Variants in ANPEP observed in about 807,000 individuals in gnomAD.
ANPEP encodes the protein alanyl aminopeptidase, membrane, also known as aminopeptidase N.
Under a neutral mutation model 114.6 loss-of-function variants are expected in ANPEP, and 70 were observed. That is an observed-to-expected ratio of 0.61 (90% CI 0.50 to 0.75). The LOEUF is 0.75. Ranked by LOEUF, ANPEP falls within the 30% of genes least tolerant of loss-of-function variation. ANPEP has a pLI of 0.00. For missense variants in ANPEP, 1,184 were observed against 1,259.5 expected (o/e 0.94, Z 0.91); for synonymous variants, 548 against 522.3 (o/e 1.05, Z -0.67).
intron 20 of ANPEP, among the ~76,000 whole-genome samples, chr15:89,789,550 A>G (rs1968574489): frequency 6.6e-6 from 1 of 151,680 alleles, no homozygotes; most frequent in Non-Finnish European, 1.5e-5. Context: ...AGGTGGGTGG[A>G]TCACTTGAGG....
intron 1 of ANPEP, among the ~76,000 whole-genome samples, chr15:89,813,991 TGG>T (rs201152904): frequency 2.5e-4 from 28 of 111,700 alleles, no homozygotes; most frequent in Admixed American, 9.8e-4. Context: ...ACCGCACTGC[TGG>T]GGGGGGGGGG....
rs1474278111 is a variant in ANPEP at position 89,797,588 on chromosome 15, T to C, written c.2144A>G (p.Tyr715Cys). 1 of 1,613,768 alleles carries C rather than the reference T, an allele frequency of 6.2e-7. No individual in the cohort carries two copies. Among genetic ancestry groups the C allele is most frequent in the Non-Finnish European group, 8.5e-7 (1 of 1,179,806 alleles). The change falls in exon 15 of 21, where the codon TAT (tyrosine) becomes TGT (cysteine). Residue 715 changes from tyrosine (Y) to cysteine (C), a missense_variant. Tyr to Cys is a radical substitution (Grantham distance 194, BLOSUM62 -2). Coordinates refer to ENST00000300060, the MANE Select transcript of ANPEP (RefSeq NM_001150.3). The part of the protein sequence containing the change: ...FKLMFDRSEV[Y>C]GPMKNYLKKQ... ...GCACCTCCGTACCTTCATGGGGCCA[T>C]AGACCTCGGAGCGGTCAAACATGAG...
intron 12 of ANPEP, among the ~76,000 whole-genome samples, chr15:89,800,541 T>C (rs1039521349): frequency 6.6e-6 from 1 of 151,954 alleles, no homozygotes; most frequent in Non-Finnish European, 1.5e-5. Flanking sequence ...TTAAGCATTT[T>C]ATGTGGATTC....
chr15:89,794,259 G>A (rs941764389), intron 15 of ANPEP, among the ~76,000 whole-genome samples: 17 of 152,092 alleles, frequency 1.1e-4, no homozygotes, highest in African/African-American at 1.7e-4. Flanking sequence ...TGAGGCGGGC[G>A]GATCACCTGA....
Position 89,811,537 on chromosome 15 carries a change from T to C in ANPEP, c.-224+3235A>G, listed in dbSNP as rs924878452. On this transcript the variant is annotated intron_variant, in intron 1 of 20. Transcript: ENST00000300060. The stretch of plus-strand genomic sequence containing the variant: ...GGTGGGCGCCTGTAATCCCAACTAC[T>C]CGGGAGGCTGAGGCAGGAGAATGGC... Among the ~76,000 whole-genome samples the C allele has an allele frequency of 2.0e-5, 3 of 150,404 alleles. No individual in the cohort carries two copies. In the South Asian group the frequency reaches 6.3e-4, roughly 32 times the overall value.
intron 1 of ANPEP, among the ~76,000 whole-genome samples, chr15:89,810,486 G>A (rs1225446323): frequency 6.6e-6 from 1 of 152,050 alleles, no homozygotes; most frequent in South Asian, 2.1e-4. Flanking sequence ...CGGAAGAATC[G>A]CTCGAACCCA....
chr15:89,791,305 A>C (rs539849281), intron 18 of ANPEP, among the ~76,000 whole-genome samples: 1 of 152,352 alleles, frequency 6.6e-6, no homozygotes, highest in East Asian at 1.9e-4. Flanking sequence ...AGCTAGTGTC[A>C]TGCCTGACAT....
chr15:89,806,523 C>A lies in ANPEP; in HGVS notation c.61G>T (p.Ala21Ser). The A allele has an allele frequency of 1.9e-6, 3 of 1,613,704 alleles. No individual in the cohort carries two copies. Among genetic ancestry groups the A allele is most frequent in the Non-Finnish European group, 2.5e-6 (3 of 1,179,740 alleles). ...LGILGILLGVAAVCTIIALSV... is the reference protein window; with the variant it reads ...LGILGILLGVSAVCTIIALSV... The stretch of plus-strand genomic sequence containing the variant: ...AGTGCGATGATTGTGCACACGGCTG[C>A]CACGCCCAGGAGGATCCCCAGGATG... The change falls in exon 2 of 21, where the codon GCA (alanine) becomes TCA (serine). Residue 21 changes from alanine to serine, a missense_variant. Transcript: ENST00000300060. This position sits in a 1 kb window ranked among gnomAD's most constrained non-coding sequence, Gnocchi z 5.7.
In ANPEP at chr15:89,804,378, CGGCGTTGAAGTCTGGCA is replaced by C; in HGVS notation, c.1037_1053del (p.Leu346ArgfsTer38). 6.2e-7 allele frequency: 1 copy of C among 1,614,224 alleles called. No homozygotes were observed. The highest frequency in any genetic ancestry group is 1.7e-5 in the Admixed American group (1 of 60,028). On this transcript the variant is annotated frameshift_variant, in exon 6 of 21. Transcript: ENST00000300060. LOFTEE classifies it high-confidence loss of function. ...ACCAGTCCCCAGTTCTCCATGGCGC[CGGCGTTGAAGTCTGGCA>C]GGCCAATCTGGTCTGGGGAGGCGAT...
rs373366705 is a variant in ANPEP, at chr15:89,805,119, C to T, written c.856G>A (p.Glu286Lys). ...STYLLAFIVS[E>K]FDYVEKQASN... ...GCCTGCTTCTCCACGTAGTCGAACT[C>T]ACTGACAATGAAGGCCAGCAAGTAC... The change falls in exon 4 of 21, where the codon GAG becomes AAG. Residue 286 changes from glutamate (E) to lysine (K), a missense_variant. Transcript: ENST00000300060. 1.9e-6 allele frequency: 3 copies of T among 1,614,156 alleles called. No individual in the cohort carries two copies. Among genetic ancestry groups the T allele is most frequent in the Non-Finnish European group, 2.5e-6 (3 of 1,180,054 alleles).
intron 15 of ANPEP, among the ~76,000 whole-genome samples, chr15:89,793,930 A>G (rs927397083): frequency 6.6e-6 from 1 of 152,166 alleles, no homozygotes; most frequent in African/African-American, 2.4e-5. Flanking sequence ...CCATGCTAGT[A>G]AAATCCTTTG....
chr15:89,801,803 C>T (rs1894597958), intron 10 of ANPEP, among the ~76,000 whole-genome samples, 196 bp from the exon 11 acceptor site: 1 of 152,348 alleles, frequency 6.6e-6, no homozygotes, highest in South Asian at 2.1e-4. Context: ...GCTGGACGAG[C>T]TGGAGAACTT....
In ANPEP at chr15:89,790,955, G is replaced by C. The variant is rs201439023; in HGVS notation, c.2667C>G (p.Asn889Lys). The change falls in exon 19 of 21, where the codon AAC (asparagine) becomes AAG (lysine). Residue 889 changes from asparagine to lysine, a missense_variant and splice_region_variant. Transcript: ENST00000300060. ...FVQSNWKKLFNDYGGGSFSFS... is the reference protein window; with the variant it reads ...FVQSNWKKLFKDYGGGSFSFS... ...TGACACCCATTCCACAGACTCACTCGTTAAAAAGCTTCTTCCAGTTGCTCT... is the reference window on the plus strand; with the variant it reads ...TGACACCCATTCCACAGACTCACTCCTTAAAAAGCTTCTTCCAGTTGCTCT... The C allele has an allele frequency of 1.2e-6, 2 of 1,613,920 alleles. No individual in the cohort carries two copies. Among genetic ancestry groups the C allele is most frequent in the Admixed American group, 1.7e-5 (1 of 59,986 alleles).
chr15:89,812,309 G>A (rs1339101396), intron 1 of ANPEP, among the ~76,000 whole-genome samples: 1 of 152,262 alleles, frequency 6.6e-6, no homozygotes, highest in African/African-American at 2.4e-5. Context: ...GGGGCTCATT[G>A]TCTGCTCTGA....
chr15:89,797,893 G>T (rs1555441181), intron 14 of ANPEP, among the ~76,000 whole-genome samples, 171 bp from the exon 15 acceptor site: 2 of 152,210 alleles, frequency 1.3e-5, no homozygotes, highest in Non-Finnish European at 2.9e-5. Flanking sequence ...ATTTGCCATG[G>T]AAAAAGAGCT....
In ANPEP at chr15:89,805,170, A is replaced by G; in HGVS notation, c.805T>C (p.Phe269Leu). The change falls in exon 4 of 21, where the codon TTC (phenylalanine) becomes CTC (leucine). Residue 269 changes from phenylalanine (F) to leucine (L), a missense_variant. Transcript: ENST00000300060. ...GTGGACATCTTGGGCGTGGTGTGGA[A>G]CTCAGTGACATTCCAGTTGGGGTCT... ...PEDPNWNVTE[F>L]HTTPKMSTYL... 6.2e-7 allele frequency: 1 copy of G among 1,614,146 alleles called. No individual in the cohort carries two copies. The highest frequency in any genetic ancestry group is 8.5e-7 in the Non-Finnish European group (1 of 1,180,020).
intron 14 of ANPEP, 125 bp from the exon 15 acceptor site, chr15:89,797,847 C>G (rs989163096): frequency 7.5e-7 from 1 of 1,328,222 alleles, no homozygotes; most frequent in African/African-American, 1.5e-5. Flanking sequence ...CTCCTGGAGC[C>G]GGAGGTCCCA....
At chr15:89,795,483 GC>G (rs1398160378) in intron 15 of ANPEP, among the ~76,000 whole-genome samples, 1 of 151,994 alleles carries the variant, frequency 6.6e-6, no homozygotes, top group Non-Finnish European at 1.5e-5. Flanking sequence ...TGGAGACGAG[GC>G]CCAAACCAAG....
chr15:89,813,708 C>T (rs7181262), intron 1 of ANPEP, among the ~76,000 whole-genome samples: 29,191 of 152,186 alleles, frequency 0.19, 3,007 homozygotes, highest in Middle Eastern at 0.34. Context: ...CCCTACCCCA[C>T]ACGCCCACCT....
Sources: allele counts gnomAD v4.1 joint callset (sites outside exome capture counted in the v4.1 genomes callset), GRCh38; gene constraint gnomAD v4.1.1; non-coding constraint Gnocchi (gnomAD v3.1); transcripts MANE v1.5; gene names NCBI Gene and HGNC (gene_info 2026-07-23, HGNC 2026-07-21).